The following DAAM1 variants were observed in gnomAD, a reference collection of about 807,000 sequenced individuals.
The protein encoded by DAAM1 is dishevelled associated activator of morphogenesis 1, also known as disheveled-associated activator of morphogenesis 1.
In DAAM1, 52 loss-of-function variants were observed where a neutral mutation model predicts 130.0. That is an observed-to-expected ratio of 0.40 (90% CI 0.32 to 0.50). The LOEUF (loss-of-function observed/expected upper bound fraction) is 0.50. Among genes scored for constraint, DAAM1 ranks in the 20% least tolerant of loss-of-function variants. The pLI, the probability that DAAM1 is intolerant of heterozygous loss-of-function variation, is 0.61. For synonymous variants in DAAM1, 452 were observed against 444.5 expected (o/e 1.02, Z -0.21); for missense variants, 1,134 against 1,303.8 (o/e 0.87, Z 2.01).
At chr14:59,191,242 C>T (rs1887721615) in intron 1 of DAAM1, among the ~76,000 whole-genome samples, 1 of 152,118 alleles carries the variant, frequency 6.6e-6, no homozygotes, top group African/African-American at 2.4e-5. Flanking sequence ...TAGGTAGCTA[C>T]ATCCCCATGA....
At chr14:59,360,256 G>A (rs1886651125) in intron 21 of DAAM1, among the ~76,000 whole-genome samples, 1 of 152,068 alleles carries the variant, frequency 6.6e-6, no homozygotes, top group African/African-American at 2.4e-5. Flanking sequence ...AGAAGCCCAA[G>A]AACCTTTCTC....
intron 1 of DAAM1, among the ~76,000 whole-genome samples, chr14:59,209,221 A>G (rs1888355443): frequency 8.3e-6 from 1 of 120,670 alleles, no homozygotes; most frequent in Admixed American, 8.2e-5. Flanking sequence ...CCTCCCTCCA[A>G]GTGCTTGCTG....
intron 24 of DAAM1, among the ~76,000 whole-genome samples, chr14:59,367,837 A>G (rs907764844): frequency 3.9e-5 from 6 of 152,220 alleles, no homozygotes; most frequent in African/African-American, 1.4e-4. Flanking sequence ...TTTCTTAGCA[A>G]TTATTTTAAA....
chr14:59,346,799 TC>T (rs1272995076), intron 16 of DAAM1, among the ~76,000 whole-genome samples: 1 of 152,210 alleles, frequency 6.6e-6, no homozygotes, highest in African/African-American at 2.4e-5. Flanking sequence ...AGACACATAT[TC>T]CTGATTAAAT....
chr14:59,300,317 G>A (rs972971401), intron 3 of DAAM1, among the ~76,000 whole-genome samples: 1 of 152,164 alleles, frequency 6.6e-6, no homozygotes, highest in Non-Finnish European at 1.5e-5. Context: ...ATTCAATAGA[G>A]CATTCTAGCT....
At chr14:59,258,861 A>G (rs1882031251) in intron 1 of DAAM1, among the ~76,000 whole-genome samples, 1 of 152,202 alleles carries the variant, frequency 6.6e-6, no homozygotes, top group Non-Finnish European at 1.5e-5. Context: ...TTCCACATAC[A>G]AATTACCTGT....
intron 1 of DAAM1, among the ~76,000 whole-genome samples, chr14:59,205,552 A>T (rs962321290): frequency 6.6e-6 from 1 of 152,226 alleles, no homozygotes; most frequent in Non-Finnish European, 1.5e-5. Context: ...TTGGAAAATG[A>T]CCAGATTTAA....
chr14:59,312,017 C>A lies in DAAM1; in HGVS notation c.274-3263C>A, dbSNP rs916916743. The stretch of plus-strand genomic sequence containing the variant: ...CCTAGCCCCTCTCTATATATTTATT[C>A]CCCTTTGTATTGTTTGTTAATTCAA... On this transcript the variant is annotated intron_variant, in intron 3 of 24. Coordinates refer to ENST00000360909, the MANE Select transcript of DAAM1 (RefSeq NM_001270520.2). 2.0e-5 allele frequency among the ~76,000 whole-genome samples: 3 copies of A among 152,224 alleles called. No homozygotes were observed. The South Asian group carries it at 6.2e-4, about 32-fold the overall frequency.
rs183802624 is a variant in DAAM1, at chr14:59,210,600, A to G, written c.-38+21832A>G. Among the ~76,000 whole-genome samples the G allele has an allele frequency of 6.2e-4, 95 of 152,344 alleles. 1 individual carries two copies. Among genetic ancestry groups the G allele is most frequent in the Middle Eastern group, 6.8e-3 (2 of 294 alleles). On this transcript the variant is annotated intron_variant, in intron 1 of 24. Coordinates refer to ENST00000360909, the MANE Select transcript of DAAM1 (RefSeq NM_001270520.2). Reference sequence around the variant, plus strand: ...TAAGGGTCTCTTGCTTCAGTTTCGCATAATTAATTATCTTAACATACCCTC... The same window carrying G: ...TAAGGGTCTCTTGCTTCAGTTTCGCGTAATTAATTATCTTAACATACCCTC...
chr14:59,296,860 A>G (rs1329636093), intron 3 of DAAM1, among the ~76,000 whole-genome samples: 1 of 152,206 alleles, frequency 6.6e-6, no homozygotes, highest in African/African-American at 2.4e-5. Context: ...ATCTTTACTA[A>G]ACACAATTTG....
intron 3 of DAAM1, among the ~76,000 whole-genome samples, chr14:59,302,047 G>A (rs1884194395): frequency 1.3e-5 from 2 of 152,178 alleles, no homozygotes; most frequent in Admixed American, 1.3e-4. Flanking sequence ...GCTCATTGGA[G>A]CATTTTGGAT....
At chr14:59,332,089 G>C (rs1264033008) in intron 15 of DAAM1, among the ~76,000 whole-genome samples, 169 bp downstream of exon 15, 1 of 152,192 alleles carries the variant, frequency 6.6e-6, no homozygotes, top group Non-Finnish European at 1.5e-5. Context: ...AGTTGTATGT[G>C]AACAGTCGAA....
Position 59,322,992 on chromosome 14 carries a change from C to G in DAAM1, c.541C>G (p.Leu181Val), listed in dbSNP as rs372952716. Residue 181 changes from leucine to valine, a missense_variant, in exon 6 of 25, where the codon CTC becomes GTC. Leu to Val is a conservative substitution (Grantham distance 32). Coordinates refer to ENST00000360909, the MANE Select transcript of DAAM1 (RefSeq NM_001270520.2). Reference protein sequence around the residue: ...ETSESRIHTSLIGCIKALMNN... With the variant: ...ETSESRIHTSVIGCIKALMNN... ...CTCAGAGTCTCGAATACATACTTCT[C>G]TCATTGGCTGTATAAAGGCGTTAAT... The G allele has an allele frequency of 1.9e-6, 3 of 1,614,054 alleles. No homozygotes were observed. The highest frequency in any genetic ancestry group is 2.5e-6 in the Non-Finnish European group (3 of 1,180,008).
chr14:59,198,462 C>T (rs1368148327), intron 1 of DAAM1, among the ~76,000 whole-genome samples: 1 of 152,064 alleles, frequency 6.6e-6, no homozygotes, highest in Non-Finnish European at 1.5e-5. Flanking sequence ...AACTCCTGAC[C>T]TCATGATCCG....
intron 23 of DAAM1, among the ~76,000 whole-genome samples, chr14:59,366,930 A>AC (rs1166780688): frequency 6.6e-6 from 1 of 151,682 alleles, no homozygotes; most frequent in Non-Finnish European, 1.5e-5. Flanking sequence ...AAAAAAAAAA[A>AC]AAACTAATAA....
intron 15 of DAAM1, among the ~76,000 whole-genome samples, chr14:59,338,741 A>C (rs1271064913): frequency 6.6e-6 from 1 of 151,958 alleles, no homozygotes; most frequent in Non-Finnish European, 1.5e-5. Context: ...TTGGTACAAT[A>C]ATTTATATAA....
chr14:59,274,686 A>C (rs1234009619), intron 2 of DAAM1, among the ~76,000 whole-genome samples: 2 of 152,202 alleles, frequency 1.3e-5, no homozygotes, highest in African/African-American at 4.8e-5. Flanking sequence ...GCATGCATGA[A>C]TTAATAACTG....
chr14:59,189,033 G>A (rs1219587314), intron 1 of DAAM1, among the ~76,000 whole-genome samples: 2 of 152,228 alleles, frequency 1.3e-5, no homozygotes, highest in Non-Finnish European at 2.9e-5. Flanking sequence ...GAGGCAGCAG[G>A]GAGGAAGACG....
intron 1 of DAAM1, among the ~76,000 whole-genome samples, chr14:59,243,606 A>G (rs1241693672): frequency 6.6e-6 from 1 of 152,132 alleles, no homozygotes; most frequent in Non-Finnish European, 1.5e-5. Context: ...TGATCCCTCA[A>G]TTCAACAAGA....
Sources: allele counts gnomAD v4.1 joint callset (sites outside exome capture counted in the v4.1 genomes callset), GRCh38; gene constraint gnomAD v4.1.1; transcripts MANE v1.5; gene names NCBI Gene and HGNC (gene_info 2026-07-23, HGNC 2026-07-21).